The following PAPPA2 variants were observed in gnomAD, a reference collection of about 807,000 sequenced individuals.
PAPPA2 encodes pappalysin 2.
PAPPA2 carries 86 observed loss-of-function variants against 176.4 expected under a neutral mutation model. The ratio of observed to expected loss-of-function variants is 0.49; its 90% CI spans 0.41 to 0.58. The LOEUF (loss-of-function observed/expected upper bound fraction) is 0.58, where lower values mean the gene tolerates loss of function less well. PAPPA2 is among the 20% of genes least tolerant of loss of function. PAPPA2 has a pLI of 0.00. For synonymous variants in PAPPA2, 809 were observed against 852.2 expected (o/e 0.95, Z 0.88); for missense variants, 2,073 against 2,256.9 (o/e 0.92, Z 1.65).
In PAPPA2 at chr1:176,595,030, C is replaced by T; in HGVS notation, c.1426C>T (p.Pro476Ser). Reference protein sequence around the residue: ...EWVPFRDEKYPRLEVLQGFEP... With the variant: ...EWVPFRDEKYSRLEVLQGFEP... ...GGTTCCCTTTAGAGATGAGAAGTAC[C>T]CACGACTTGAGGTTCTCCAGGGCTT... is the stretch of plus-strand genomic sequence containing the variant. The change falls in exon 3 of 23, where the codon CCA becomes TCA. Residue 476 changes from proline to serine, a missense_variant. Transcript: ENST00000367662. 1 of 1,614,146 alleles carries T rather than the reference C, an allele frequency of 6.2e-7. No homozygotes were observed. The highest frequency in any genetic ancestry group is 8.5e-7 in the Non-Finnish European group (1 of 1,180,038).
chr1:176,710,604 T>C (rs1167985131), intron 11 of PAPPA2, among the ~76,000 whole-genome samples: 1 of 152,138 alleles, frequency 6.6e-6, no homozygotes, highest in African/African-American at 2.4e-5. Context: ...GGATCTAAAA[T>C]GCTATACCAA....
At chr1:176,595,693 T>G (rs764384601) in intron 3 of PAPPA2, 98 bp downstream of exon 3, 457 of 1,156,542 alleles carry the variant, frequency 4.0e-4, no homozygotes, top group Non-Finnish European at 5.4e-4. Flanking sequence ...ACACACTCCC[T>G]GAATAAGACA....
rs1361737987 is a variant in PAPPA2 at position 176,765,568 on chromosome 1, T to G, written c.4152-98T>G. On this transcript the variant is annotated intron_variant, in intron 14 of 22. Coordinates refer to ENST00000367662, the MANE Select transcript of PAPPA2 (RefSeq NM_020318.3). ...ATCAGTTTTGGAGAAAATTGTTCTC[T>G]CTGGTTTAGGAGCCCTCCCAGATGG... 12 of 1,196,478 alleles carry G rather than the reference T, an allele frequency of 1.0e-5. No homozygotes were observed. The East Asian group carries it at 2.8e-4, about 28-fold the overall frequency. The allele number at this position is 1,196,478 out of a possible 1,614,324, so 74.1% of individuals were successfully genotyped here. A position where few individuals can be genotyped will look rare whatever the true frequency, so the allele number is the denominator to read the frequency against.
At chr1:176,611,821 A>G (rs1362751032) in intron 3 of PAPPA2, among the ~76,000 whole-genome samples, 1 of 152,204 alleles carries the variant, frequency 6.6e-6, no homozygotes, top group African/African-American at 2.4e-5. Flanking sequence ...GCTTATTCCA[A>G]TGCCTTTCTT....
intron 21 of PAPPA2, among the ~76,000 whole-genome samples, chr1:176,826,250 T>C (rs1409271015): frequency 6.6e-6 from 1 of 152,208 alleles, no homozygotes; most frequent in Non-Finnish European, 1.5e-5. Context: ...GATGGAGTGC[T>C]GACAACCTGT....
intron 21 of PAPPA2, among the ~76,000 whole-genome samples, chr1:176,818,919 C>G (rs917345455): frequency 6.6e-5 from 10 of 152,304 alleles, no homozygotes; most frequent in African/African-American, 2.4e-4. Context: ...CCACCACTCC[C>G]AATTCCCTTA....
At chr1:176,624,123 T>C (rs560454378) in intron 3 of PAPPA2, among the ~76,000 whole-genome samples, 16 of 152,268 alleles carry the variant, frequency 1.1e-4, no homozygotes, top group African/African-American at 3.4e-4. Context: ...AAATAAAATA[T>C]ACAGAATTCT....
rs1045066840 is a variant in PAPPA2, at chr1:176,581,397, T to C, written c.920-13127T>C. 1.7e-4 allele frequency among the ~76,000 whole-genome samples: 26 copies of C among 152,346 alleles called. 1 individual carries two copies. Among genetic ancestry groups the C allele is most frequent in the African/African-American group, 6.0e-4 (25 of 41,590 alleles). On this transcript the variant is annotated intron_variant, in intron 2 of 22. Transcript: ENST00000367662. ...TAAATTTTAAAGTCTGGTGGTGTGA[T>C]GCCTCCAGCTTTGTTCTTTTTGCTC...
chr1:176,650,697 T>A (rs1459825881), intron 3 of PAPPA2, among the ~76,000 whole-genome samples: 2 of 151,620 alleles, frequency 1.3e-5, no homozygotes, highest in African/African-American at 4.8e-5. Flanking sequence ...AGAATTGAGT[T>A]GTTTATATTC....
At chr1:176,501,857 A>G (rs1647980715) in intron 1 of PAPPA2, among the ~76,000 whole-genome samples, 1 of 152,166 alleles carries the variant, frequency 6.6e-6, no homozygotes. Flanking sequence ...GTGATGCCAC[A>G]GTTTGAGCCT....
intron 15 of PAPPA2, among the ~76,000 whole-genome samples, chr1:176,766,902 G>A (rs958788728): frequency 7.1e-6 from 1 of 141,016 alleles, no homozygotes; most frequent in African/African-American, 2.9e-5. Flanking sequence ...TGATTTACAA[G>A]AGTTGATTTT....
At chr1:176,818,812 CTT>C (rs1000643790) in intron 21 of PAPPA2, among the ~76,000 whole-genome samples, 6 of 152,208 alleles carry the variant, frequency 3.9e-5, no homozygotes, top group Admixed American at 2.6e-4. Flanking sequence ...AAGCCACAAT[CTT>C]TGCAATGGCT....
chr1:176,480,132 G>A (rs114017310), intron 1 of PAPPA2, among the ~76,000 whole-genome samples: 3,150 of 152,206 alleles, frequency 0.021, 40 homozygotes, highest in Middle Eastern at 0.034. Context: ...TCTGTGTGGA[G>A]AGCAGCCTCC....
At chr1:176,803,268 T>C (rs947631628) in intron 21 of PAPPA2, among the ~76,000 whole-genome samples, 2 of 152,194 alleles carry the variant, frequency 1.3e-5, no homozygotes, top group Admixed American at 1.3e-4. Context: ...ATGCATGTGA[T>C]AGCATACATA....
Position 176,693,782 on chromosome 1 carries a change from T to C in PAPPA2, c.2624+1464T>C, listed in dbSNP as rs549112873. ...TGTGAGTCAGCACACATCTGTGTGA[T>C]GTGTGTGAGAATCATCTTCCTGCAA... On this transcript the variant is annotated intron_variant, in intron 6 of 22. Transcript: ENST00000367662. Among the ~76,000 whole-genome samples the C allele has an allele frequency of 7.7e-4, 117 of 152,292 alleles. 2 individuals are homozygous for C. The highest frequency in any genetic ancestry group is 4.8e-3 in the South Asian group (23 of 4,832).
At chr1:176,809,976 G>A (rs1321389915) in intron 21 of PAPPA2, among the ~76,000 whole-genome samples, 1 of 151,314 alleles carries the variant, frequency 6.6e-6, no homozygotes, top group Non-Finnish European at 1.5e-5. Flanking sequence ...GTGTGTGTGT[G>A]TGTGTGTGTG....
At chr1:176,471,091 C>T (rs1361925092) in intron 1 of PAPPA2, among the ~76,000 whole-genome samples, 1 of 152,024 alleles carries the variant, frequency 6.6e-6, no homozygotes, top group Non-Finnish European at 1.5e-5. Context: ...TCAAGAAGAA[C>T]ACAGGAAGGG....
intron 1 of PAPPA2, among the ~76,000 whole-genome samples, chr1:176,527,568 G>T (rs540316159): frequency 3.9e-5 from 6 of 152,106 alleles, no homozygotes; most frequent in Non-Finnish European, 7.4e-5. Flanking sequence ...ATATGTTTTG[G>T]GCTGAATGAT....
chr1:176,579,466 G>C (rs1652837653), intron 2 of PAPPA2, among the ~76,000 whole-genome samples: 1 of 152,100 alleles, frequency 6.6e-6, no homozygotes, highest in African/African-American at 2.4e-5. Flanking sequence ...ATTTAGTAAT[G>C]GCCAACAGGG....
Sources: allele counts gnomAD v4.1 joint callset (sites outside exome capture counted in the v4.1 genomes callset), GRCh38; gene constraint gnomAD v4.1.1; transcripts MANE v1.5; gene names NCBI Gene and HGNC (gene_info 2026-07-23, HGNC 2026-07-21).